The following RELN variants were observed in gnomAD, a reference collection of about 807,000 sequenced individuals.
The protein encoded by RELN is reelin.
In RELN, 108 loss-of-function variants were observed where a neutral mutation model predicts 427.6. The ratio of observed to expected loss-of-function variants is 0.25; its 90% CI spans 0.22 to 0.30. The LOEUF (loss-of-function observed/expected upper bound fraction) is 0.30, where lower values mean the gene tolerates loss of function less well. Among genes scored for constraint, RELN ranks in the 10% least tolerant of loss-of-function variants. The pLI, the probability that RELN is intolerant of heterozygous loss-of-function variation, is 1.00. For synonymous variants in RELN, 1,524 were observed against 1,513.4 expected, an observed-to-expected ratio of 1.01 and a Z score of -0.16; for missense variants, 3,715 against 4,302.8, an observed-to-expected ratio of 0.86 and a Z score of 3.82.
At chr7:103,960,970 G>T (rs1796540975) in intron 1 of RELN, among the ~76,000 whole-genome samples, 1 of 152,172 alleles carries the variant, frequency 6.6e-6, no homozygotes, top group Non-Finnish European at 1.5e-5. Context: ...GTTTTTTGAA[G>T]GTATGTGTGC....
chr7:103,682,298 T>C (rs776217155), intron 10 of RELN, 37 bp from the exon 11 acceptor site: 8 of 1,612,008 alleles, frequency 5.0e-6, no homozygotes, highest in East Asian at 4.5e-5. Flanking sequence ...GGCTGTTGAA[T>C]TGGTGTTGTA....
At chr7:103,517,618 C>T (rs1321566006) in intron 49 of RELN, among the ~76,000 whole-genome samples, 1 of 152,070 alleles carries the variant, frequency 6.6e-6, no homozygotes, top group East Asian at 1.9e-4. Flanking sequence ...CCATCAAGAC[C>T]AAGGAAACAG....
At chr7:103,907,499 T>C (rs1795239768) in intron 2 of RELN, among the ~76,000 whole-genome samples, 2 of 132,530 alleles carry the variant, frequency 1.5e-5, no homozygotes, top group African/African-American at 5.8e-5. Flanking sequence ...ATGTCCAGAA[T>C]AAGCAAATCC....
rs1203158920 is a variant in RELN, at chr7:103,626,411, C to G, written c.2702+3529G>C. ...TGTCACCCAGGCTGGAGTGCATTGG[C>G]ATGATCTCGGCTCACTGCAACTTCT... On this transcript the variant is annotated intron_variant, in intron 20 of 64. Transcript: ENST00000428762. This position sits in a 1 kb window ranked among gnomAD's most constrained non-coding sequence, Gnocchi z 4.4. Among the ~76,000 whole-genome samples, 1 of 152,128 alleles carries G rather than the reference C, an allele frequency of 6.6e-6. No homozygotes were observed. Among genetic ancestry groups the G allele is most frequent in the Non-Finnish European group, 1.5e-5 (1 of 67,992 alleles).
At chr7:103,976,568 C>A (rs886494798) in intron 1 of RELN, among the ~76,000 whole-genome samples, 10 of 152,094 alleles carry the variant, frequency 6.6e-5, no homozygotes, top group African/African-American at 2.4e-4. Context: ...ATTGTAGGAA[C>A]GGAGTTGGCC....
chr7:103,925,354 T>C (rs1264426414), intron 1 of RELN, among the ~76,000 whole-genome samples: 1 of 152,204 alleles, frequency 6.6e-6, no homozygotes, highest in South Asian at 2.1e-4. Flanking sequence ...TCTGAATTTT[T>C]AAAAAATTCT....
intron 64 of RELN, among the ~76,000 whole-genome samples, chr7:103,475,504 T>C (rs1390152734): frequency 6.6e-6 from 1 of 152,232 alleles, no homozygotes; most frequent in Non-Finnish European, 1.5e-5. Context: ...ATTATTCTGT[T>C]AAAACACGTT....
At chr7:103,617,945 A>G (rs1014129189) in intron 20 of RELN, among the ~76,000 whole-genome samples, 1 of 152,040 alleles carries the variant, frequency 6.6e-6, no homozygotes, top group Non-Finnish European at 1.5e-5. Flanking sequence ...TCACCATGTC[A>G]TCTCTGTACC....
intron 2 of RELN, among the ~76,000 whole-genome samples, chr7:103,862,511 T>C (rs1172531126): frequency 2.0e-5 from 3 of 152,048 alleles, no homozygotes; most frequent in South Asian, 4.2e-4. Context: ...CCCATGTTCT[T>C]CCCACCCCTG....
intron 2 of RELN, among the ~76,000 whole-genome samples, chr7:103,895,334 C>T (rs1177733978): frequency 1.3e-5 from 2 of 151,832 alleles, no homozygotes; most frequent in Non-Finnish European, 2.9e-5. Flanking sequence ...TATTAGATAC[C>T]ACACGAGGCA....
chr7:103,672,504 A>G (rs551298058), intron 11 of RELN, among the ~76,000 whole-genome samples: 21 of 152,204 alleles, frequency 1.4e-4, no homozygotes, highest in South Asian at 8.3e-4. Flanking sequence ...GCCTAAAAAG[A>G]AAGCAATATT....
intron 20 of RELN, among the ~76,000 whole-genome samples, chr7:103,613,245 T>G (rs1832002866): frequency 6.6e-6 from 1 of 152,200 alleles, no homozygotes; most frequent in African/African-American, 2.4e-5. Context: ...AGACACTATA[T>G]CTTTGTTTTT....
intron 1 of RELN, among the ~76,000 whole-genome samples, chr7:103,929,541 T>G (rs182994466): frequency 3.9e-5 from 6 of 152,324 alleles, no homozygotes; most frequent in Admixed American, 1.3e-4. Flanking sequence ...TAGTTTTATG[T>G]GTGTTTCTGT....
In RELN at chr7:103,487,499, C is replaced by G. The variant is rs114456837; in HGVS notation, c.9764-1083G>C. Among the ~76,000 whole-genome samples the G allele has an allele frequency of 5.5e-3, 805 of 147,444 alleles. 10 individuals are homozygous for G. Among genetic ancestry groups the G allele is most frequent in the African/African-American group, 0.019 (768 of 40,064 alleles). On this transcript the variant is annotated intron_variant, in intron 60 of 64. Coordinates refer to ENST00000428762, the MANE Select transcript of RELN (RefSeq NM_005045.4). Reference sequence around the variant, plus strand: ...GCAAAATACTAAGTAGATACAGATTCCCAAAGTAAATGTTTTGTTTTGGCA... The same window carrying G: ...GCAAAATACTAAGTAGATACAGATTGCCAAAGTAAATGTTTTGTTTTGGCA...
At chr7:103,801,746 C>T (rs1207154151) in intron 3 of RELN, among the ~76,000 whole-genome samples, 1 of 151,038 alleles carries the variant, frequency 6.6e-6, no homozygotes, top group African/African-American at 2.4e-5. Context: ...AAAGTGACAA[C>T]CTCTCTGTGC....
chr7:103,609,532 G>C (rs1831899151), intron 22 of RELN, among the ~76,000 whole-genome samples: 2 of 152,312 alleles, frequency 1.3e-5, no homozygotes, highest in South Asian at 2.1e-4. Flanking sequence ...CAAAGCATTA[G>C]TAGAGTATCT....
chr7:103,540,428 T>A lies in RELN; in HGVS notation c.6699A>T (p.Gly2233=), dbSNP rs1456314518. The A allele has an allele frequency of 6.2e-7, 1 of 1,613,840 alleles. No individual in the cohort carries two copies. Among genetic ancestry groups the A allele is most frequent in the Non-Finnish European group, 8.5e-7 (1 of 1,179,982 alleles). Residue 2233 remains glycine, a synonymous_variant, in exon 44 of 65, where the codon GGA becomes GGT. Transcript: ENST00000428762. ...ARFVQFFMRL[G]CGKGVPDPRS... is the part of the protein sequence containing the mutation. ...TGGGGTCAGGAACGCCTTTACCACA[T>A]CCCAGTCTCATGAAGAACTGCACAA...
intron 4 of RELN, among the ~76,000 whole-genome samples, chr7:103,770,894 C>T (rs942557400): frequency 6.6e-6 from 1 of 150,484 alleles, no homozygotes; most frequent in Non-Finnish European, 1.5e-5. Context: ...TCATTTTCAG[C>T]CAAATTGCCA....
chr7:103,602,946 GAC>G (rs1831709592), intron 24 of RELN, among the ~76,000 whole-genome samples: 1 of 152,068 alleles, frequency 6.6e-6, no homozygotes. Flanking sequence ...GCCTCACACT[GAC>G]ACACCCTCCA....
Sources: allele counts gnomAD v4.1 joint callset (sites outside exome capture counted in the v4.1 genomes callset), GRCh38; gene constraint gnomAD v4.1.1; non-coding constraint Gnocchi (gnomAD v3.1); transcripts MANE v1.5; gene names NCBI Gene and HGNC (gene_info 2026-07-23, HGNC 2026-07-21).